The following PRKAB1 variants were observed in gnomAD, a reference collection of about 807,000 sequenced individuals.
PRKAB1 encodes protein kinase AMP-activated non-catalytic subunit beta 1.
PRKAB1 carries 18 observed loss-of-function variants against 32.0 expected under a neutral mutation model. The observed-to-expected ratio is 0.56, with a 90% CI of 0.39 to 0.83. The LOEUF is 0.83. Ranked by LOEUF, PRKAB1 falls within the 40% of genes least tolerant of loss-of-function variation. The pLI is 0.00. For missense variants in PRKAB1, 263 were observed against 352.6 expected (o/e 0.75, Z 2.03); for synonymous variants, 141 against 141.4 (o/e 1.00, Z 0.02).
chr12:119,671,719 G>A (rs1033330506), intron 1 of PRKAB1: 2 of 180,664 alleles, frequency 1.1e-5, no homozygotes, highest in African/African-American at 4.7e-5. Flanking sequence ...TAGTCTATAT[G>A]GTGTAACCTG....
At chr12:119,668,976 G>C (rs1006629264) in intron 1 of PRKAB1, among the ~76,000 whole-genome samples, 2 of 151,932 alleles carry the variant, frequency 1.3e-5, no homozygotes, top group Non-Finnish European at 2.9e-5. Flanking sequence ...AATTAGCCGG[G>C]CGTGGTGGCG....
chr12:119,679,948 C>T lies in PRKAB1; in HGVS notation c.682C>T (p.Leu228Phe). 6.2e-7 allele frequency: 1 copy of T among 1,614,156 alleles called. No individual in the cohort carries two copies. Among genetic ancestry groups the T allele is most frequent in the South Asian group, 1.1e-5 (1 of 91,090 alleles). ...DTGISCDPAL[L>F]PEPNHVMLNH... ...TCCCTCACAGTGTGATCCAGCTTTG[C>T]TTCCTGAGCCCAATCACGTCATGCT... The change falls in exon 6 of 7, where the codon CTT becomes TTT. Residue 228 changes from leucine to phenylalanine, a missense_variant. Physicochemically the swap from Leu to Phe is conservative, Grantham distance 22. Coordinates refer to ENST00000229328, the MANE Select transcript of PRKAB1 (RefSeq NM_006253.5). The surrounding 1 kb of genome is among the most constrained non-coding windows in gnomAD (Gnocchi z 4.1).
chr12:119,678,836 G>A (rs1217858631), intron 5 of PRKAB1: 2 of 152,168 alleles, frequency 1.3e-5, no homozygotes, highest in Non-Finnish European at 2.9e-5. Context: ...CAGATATCTC[G>A]ACATGCTGAT....
chr12:119,668,431 C>T (rs1255400697), intron 1 of PRKAB1, 28 bp downstream of exon 1: 4 of 1,608,662 alleles, frequency 2.5e-6, no homozygotes, highest in Non-Finnish European at 3.4e-6. Context: ...GAACCCGATT[C>T]CCCTTGACTA....
Position 119,674,426 on chromosome 12 carries a change from G to A in PRKAB1, c.504G>A (p.Val168=). Residue 168 remains valine, a synonymous_variant, in exon 4 of 7, where the codon GTG becomes GTA. Transcript: ENST00000229328. This position sits in a 1 kb window ranked among gnomAD's most constrained non-coding sequence, Gnocchi z 4.3. ...TTGAAGTATTTGATGCTTTAATGGT[G>A]GATTCCCAAAAGTGCTCCGATGTGT... ...TDFEVFDALM[V]DSQKCSDVSE... is the part of the protein sequence containing the mutation. 5 of 1,613,962 alleles carry A rather than the reference G, an allele frequency of 3.1e-6. No homozygotes were observed. Among genetic ancestry groups the A allele is most frequent in the Non-Finnish European group, 4.2e-6 (5 of 1,179,828 alleles).
intron 2 of PRKAB1, among the ~76,000 whole-genome samples, chr12:119,672,937 A>C (rs1203845389): frequency 1.3e-5 from 2 of 152,246 alleles, no homozygotes; most frequent in Non-Finnish European, 2.9e-5. Flanking sequence ...TTGTTTGAAA[A>C]GTACATGTTG....
chr12:119,672,037 C>A (rs1038970273), intron 1 of PRKAB1, among the ~76,000 whole-genome samples: 1 of 152,164 alleles, frequency 6.6e-6, no homozygotes, highest in South Asian at 2.1e-4. Flanking sequence ...TTGATGTCAA[C>A]TTCTTTAATG....
chr12:119,676,830 CAA>C (rs1350964800), intron 5 of PRKAB1, among the ~76,000 whole-genome samples, 160 bp downstream of exon 5: 2 of 152,226 alleles, frequency 1.3e-5, no homozygotes, highest in Non-Finnish European at 2.9e-5. Flanking sequence ...GGGCTGATAA[CAA>C]GAGGTTCCCA....
chr12:119,672,156 C>A, intron 1 of PRKAB1, 145 bp from the exon 2 acceptor site: 2 of 759,926 alleles, frequency 2.6e-6, no homozygotes, highest in Non-Finnish European at 4.1e-6. Context: ...ATTTTGCAGG[C>A]AAGGAAACTG....
chr12:119,668,456 A>G (rs1263647270), intron 1 of PRKAB1, 53 bp downstream of exon 1: 18 of 1,588,508 alleles, frequency 1.1e-5, no homozygotes, highest in Non-Finnish European at 1.5e-5. Flanking sequence ...TGAGGAGAGG[A>G]ACCCTCCACT....
intron 2 of PRKAB1, chr12:119,673,738 T>G: frequency 2.4e-6 from 1 of 416,206 alleles, no homozygotes; most frequent in Non-Finnish European, 4.3e-6. Flanking sequence ...TCCTGGTATT[T>G]GAGTAAGGTG....
chr12:119,676,782 CT>C, intron 5 of PRKAB1, 112 bp downstream of exon 5: 8 of 1,361,864 alleles, frequency 5.9e-6, no homozygotes, highest in Non-Finnish European at 8.0e-6. Context: ...GTGTCACCCC[CT>C]AGTGTGAACT....
chr12:119,674,447 T>C lies in PRKAB1; in HGVS notation c.525T>C (p.Asp175=), dbSNP rs765506362. The change falls in exon 4 of 7, where the codon GAT becomes GAC. Residue 175 remains aspartate, a synonymous_variant. Transcript: ENST00000229328. This position sits in a 1 kb window ranked among gnomAD's most constrained non-coding sequence, Gnocchi z 4.3. ...ALMVDSQKCS[D]VSELSSSPPG... ...TGGTGGATTCCCAAAAGTGCTCCGA[T>C]GTGTCTGGTATGAACACAGTTATTT... 118 of 1,609,182 alleles carry C rather than the reference T, an allele frequency of 7.3e-5. No individual in the cohort carries two copies. The highest frequency in any genetic ancestry group is 8.5e-5 in the Non-Finnish European group (100 of 1,175,580).
Position 119,674,280 on chromosome 12 carries a change from C to T in PRKAB1, c.418-60C>T. On this transcript the variant is annotated intron_variant, in intron 3 of 6. Transcript: ENST00000229328. This position sits in a 1 kb window ranked among gnomAD's most constrained non-coding sequence, Gnocchi z 4.3. ...CTTCCAGCCAGGAATTCCAAGTCCT[C>T]TGAAGAATAACTCCGCAGACCTTCC... 1 of 1,392,318 alleles carries T rather than the reference C, an allele frequency of 7.2e-7. No homozygotes were observed. Among genetic ancestry groups the T allele is most frequent in the South Asian group, 1.2e-5 (1 of 81,406 alleles). 86.2% of individuals were successfully genotyped at this position (1,392,318 alleles called of 1,614,324 possible). A position where few individuals can be genotyped will look rare whatever the true frequency, so the allele number is the denominator to read the frequency against.
intron 6 of PRKAB1, 90 bp from the exon 7 acceptor site, chr12:119,680,158 G>A (rs1403984489): frequency 6.7e-7 from 1 of 1,501,498 alleles, no homozygotes; most frequent in African/African-American, 1.4e-5. Context: ...CCGGGAATTT[G>A]TGGTTTTATG....
chr12:119,674,116 TCCCA>T lies in PRKAB1; in HGVS notation c.417+60_417+63del. The T allele has an allele frequency of 6.7e-7, 1 of 1,496,236 alleles. No homozygotes were observed. Among genetic ancestry groups the T allele is most frequent in the East Asian group, 2.3e-5 (1 of 44,190 alleles). The allele number at this position is 1,496,236 out of a possible 1,614,324, so 92.7% of individuals were successfully genotyped here. A position where few individuals can be genotyped will look rare whatever the true frequency, so the allele number is the denominator to read the frequency against. ...CCCGCACATTCCAAACAAATCACCT[TCCCA>T]AGAGATTGCCGCTAGGTCCCTTTGC... On this transcript the variant is annotated intron_variant, in intron 3 of 6. Transcript: ENST00000229328. This position sits in a 1 kb window ranked among gnomAD's most constrained non-coding sequence, Gnocchi z 4.3.
Position 119,679,807 on chromosome 12 carries a change from T to A in PRKAB1, c.667-126T>A. The A allele has an allele frequency of 1.9e-6, 2 of 1,029,452 alleles. No homozygotes were observed. The highest frequency in any genetic ancestry group is 2.7e-5 in the South Asian group (2 of 74,626). The allele number at this position is 1,029,452 out of a possible 1,614,324, so 63.8% of individuals were successfully genotyped here. On this transcript the variant is annotated intron_variant, in intron 5 of 6. Coordinates refer to ENST00000229328, the MANE Select transcript of PRKAB1 (RefSeq NM_006253.5). The surrounding 1 kb of genome is among the most constrained non-coding windows in gnomAD (Gnocchi z 4.1). ...GTCTTGGACAAGCCCTTGCGCTGCC[T>A]GATTTGGGAAGAGAGGTCGGCCTGA...
intron 1 of PRKAB1, among the ~76,000 whole-genome samples, chr12:119,670,610 T>C (rs1412800283): frequency 6.6e-6 from 1 of 152,268 alleles, no homozygotes; most frequent in Non-Finnish European, 1.5e-5. Context: ...AAAACTACTT[T>C]CTTCAGAAGT....
rs148102977 is a variant in PRKAB1 at position 119,668,373 on chromosome 12, C to T, written c.129C>T (p.Asp43=). 3.0e-5 allele frequency: 49 copies of T among 1,613,552 alleles called. No homozygotes were observed. The African/African-American group carries it at 4.7e-4, about 15-fold the overall frequency. The change falls in exon 1 of 7, where the codon GAC becomes GAT. Residue 43 remains aspartate, a synonymous_variant. Transcript: ENST00000229328. The part of the protein sequence containing the change: ...RPKILMDSPE[D]ADLFHSEEIK... ...AGATCCTGATGGACAGCCCCGAAGA[C>T]GCCGACCTCTTCCACTCCGAGGAAA...
Sources: allele counts gnomAD v4.1 joint callset (sites outside exome capture counted in the v4.1 genomes callset), GRCh38; gene constraint gnomAD v4.1.1; non-coding constraint Gnocchi (gnomAD v3.1); transcripts MANE v1.5; gene names NCBI Gene and HGNC (gene_info 2026-07-23, HGNC 2026-07-21).